MRTFA: variants seen among roughly 807,000 people sequenced by gnomAD.
The protein encoded by MRTFA is myocardin related transcription factor A, also known as myocardin-related transcription factor A.
MRTFA carries 20 observed loss-of-function variants against 83.5 expected under a neutral mutation model. The observed-to-expected ratio is 0.24, with a 90% CI of 0.17 to 0.35. The LOEUF is 0.35. Ranked by LOEUF, MRTFA falls within the 10% of genes least tolerant of loss-of-function variation. The pLI, the probability that MRTFA is intolerant of heterozygous loss-of-function variation, is 1.00. For synonymous variants in MRTFA, 659 were observed against 541.2 expected, an observed-to-expected ratio of 1.22 and a Z score of -3.02; for missense variants, 1,200 against 1,224.7, an observed-to-expected ratio of 0.98 and a Z score of 0.30.
At chr22:40,577,156 G>A (rs537564113) in intron 2 of MRTFA, among the ~76,000 whole-genome samples, 73 of 150,090 alleles carry the variant, frequency 4.9e-4, no homozygotes, top group Non-Finnish European at 7.8e-4. Context: ...CTGGGAGGTC[G>A]AGGCTGCAGT....
chr22:40,415,943 C>G (rs1179630193), intron 14 of MRTFA, among the ~76,000 whole-genome samples: 1 of 152,184 alleles, frequency 6.6e-6, no homozygotes, highest in East Asian at 1.9e-4. Context: ...TCTGCTCCCC[C>G]ACCTCACACC....
intron 3 of MRTFA, among the ~76,000 whole-genome samples, chr22:40,544,041 A>G (rs1291365661): frequency 3.9e-5 from 6 of 152,208 alleles, no homozygotes; most frequent in Non-Finnish European, 8.8e-5. Context: ...AGTCCTTGAT[A>G]TATGAAAGAC....
chr22:40,452,053 G>A (rs550902516), intron 4 of MRTFA, among the ~76,000 whole-genome samples: 3 of 142,528 alleles, frequency 2.1e-5, no homozygotes, highest in East Asian at 2.1e-4. Flanking sequence ...GTGTGATCTC[G>A]GCTCACTGCC....
intron 3 of MRTFA, among the ~76,000 whole-genome samples, chr22:40,485,065 C>T (rs574758891): frequency 1.2e-4 from 18 of 144,546 alleles, no homozygotes; most frequent in African/African-American, 2.9e-4. Flanking sequence ...AGTGAGACTC[C>T]GTCTCAAAAA....
chr22:40,494,691 A>C (rs2147208304), intron 3 of MRTFA, among the ~76,000 whole-genome samples: 1 of 152,198 alleles, frequency 6.6e-6, no homozygotes, highest in South Asian at 2.1e-4. Flanking sequence ...AAAAAAAAAA[A>C]AAAATTATGG....
chr22:40,502,323 AG>A (rs2054503894), intron 3 of MRTFA, among the ~76,000 whole-genome samples: 1 of 115,344 alleles, frequency 8.7e-6, no homozygotes, highest in Non-Finnish European at 1.8e-5. Context: ...TGCCAGGCAG[AG>A]GGTCTCCTCA....
intron 12 of MRTFA, 81 bp downstream of exon 12, chr22:40,418,293 C>A: frequency 1.3e-6 from 2 of 1,541,020 alleles, no homozygotes; most frequent in African/African-American, 1.4e-5. Context: ...CACGAGGGGT[C>A]CCCTGGCCCA....
At chr22:40,446,570 A>T (rs1252189187) in intron 4 of MRTFA, among the ~76,000 whole-genome samples, 2 of 152,206 alleles carry the variant, frequency 1.3e-5, no homozygotes, top group Non-Finnish European at 2.9e-5. Context: ...TACCCCAAGT[A>T]AGCTTCAAGA....
intron 3 of MRTFA, among the ~76,000 whole-genome samples, chr22:40,502,426 C>T (rs1299161505): frequency 2.7e-4 from 32 of 119,276 alleles, no homozygotes; most frequent in Admixed American, 7.9e-5. Flanking sequence ...CCAGATGGGG[C>T]GGCGGGGCAG....
At chr22:40,604,938 CAAG>C (rs2056301607) in intron 1 of MRTFA, among the ~76,000 whole-genome samples, 1 of 152,072 alleles carries the variant, frequency 6.6e-6, no homozygotes, top group Non-Finnish European at 1.5e-5. Flanking sequence ...ATAAACCAAA[CAAG>C]AAGAGACTAA....
intron 3 of MRTFA, chr22:40,522,928 T>C (rs1255660548): frequency 1.3e-5 from 2 of 152,130 alleles, no homozygotes; most frequent in Non-Finnish European, 2.9e-5. Context: ...CAAAGATCAG[T>C]AGTTTGAAAA....
chr22:40,428,442 C>G (rs1338555679), intron 7 of MRTFA, among the ~76,000 whole-genome samples: 1 of 152,186 alleles, frequency 6.6e-6, no homozygotes, highest in Non-Finnish European at 1.5e-5. Flanking sequence ...CCCTTTTACA[C>G]TAAAGGAATC....
intron 1 of MRTFA, among the ~76,000 whole-genome samples, chr22:40,620,710 C>CATA (rs2147433503): frequency 6.6e-6 from 1 of 152,148 alleles, no homozygotes; most frequent in African/African-American, 2.4e-5. Flanking sequence ...TTCAGCCAAC[C>CATA]ATAAGCAGAA....
chr22:40,469,554 T>C (rs2147163881), intron 3 of MRTFA, among the ~76,000 whole-genome samples: 1 of 152,228 alleles, frequency 6.6e-6, no homozygotes, highest in East Asian at 1.9e-4. Context: ...TGTACCCCTT[T>C]TAGCAACCCA....
chr22:40,610,184 C>T (rs1333532601), intron 1 of MRTFA, among the ~76,000 whole-genome samples: 1 of 151,420 alleles, frequency 6.6e-6, no homozygotes, highest in Non-Finnish European at 1.5e-5. Context: ...GTAGCTGGGA[C>T]TACAGGTACC....
chr22:40,431,059 G>C (rs2053060051), intron 6 of MRTFA, among the ~76,000 whole-genome samples: 1 of 152,132 alleles, frequency 6.6e-6, no homozygotes, highest in Non-Finnish European at 1.5e-5. Context: ...ACAGATTTTA[G>C]ATCAGGCATG....
In MRTFA at chr22:40,558,879, AG is replaced by A. The variant is rs565888869; in HGVS notation, c.-21-6513del. Among the ~76,000 whole-genome samples the A allele has an allele frequency of 6.6e-5, 10 of 150,426 alleles. No homozygotes were observed. In the South Asian group the frequency reaches 1.9e-3, roughly 28 times the overall value. On this transcript the variant is annotated intron_variant, in intron 2 of 14. Transcript: ENST00000355630. ...TGGCTCACTGCAACCTCTGCCTCCTAGGTTCAAGTGATTCTCATGTCTCAGC... is the reference window on the plus strand; with the variant it reads ...TGGCTCACTGCAACCTCTGCCTCCTAGTTCAAGTGATTCTCATGTCTCAGC...
chr22:40,463,734 A>G (rs997115534), intron 3 of MRTFA, among the ~76,000 whole-genome samples: 2 of 152,238 alleles, frequency 1.3e-5, no homozygotes, highest in South Asian at 2.1e-4. Flanking sequence ...ATCAGGAAGT[A>G]CTATTTGTAA....
chr22:40,609,597 T>C (rs2056361256), intron 1 of MRTFA, among the ~76,000 whole-genome samples: 1 of 151,536 alleles, frequency 6.6e-6, no homozygotes, highest in East Asian at 1.9e-4. Context: ...CTGGGAGGCC[T>C]AGATGGGTGG....
Sources: allele counts gnomAD v4.1 joint callset (sites outside exome capture counted in the v4.1 genomes callset), GRCh38; gene constraint gnomAD v4.1.1; transcripts MANE v1.5; gene names NCBI Gene and HGNC (gene_info 2026-07-23, HGNC 2026-07-21).